Variants in NTN4 observed in about 807,000 individuals in gnomAD.
NTN4 encodes the protein netrin-4.
Under a neutral mutation model 73.6 loss-of-function variants are expected in NTN4, and 32 were observed. The ratio of observed to expected loss-of-function variants is 0.44; its 90% confidence interval spans 0.33 to 0.58. The LOEUF is 0.58. Among genes scored for constraint, NTN4 ranks in the 20% least tolerant of loss-of-function variants. The pLI is 0.04. For synonymous variants in NTN4, 258 were observed against 287.5 expected (o/e 0.90, Z 1.04); for missense variants, 654 against 798.3 (o/e 0.82, Z 2.18).
At position 95,710,506 on chromosome 12, in the gene NTN4, T is replaced by G; in HGVS notation, c.1115A>C (p.Gln372Pro). 2 of 1,614,182 alleles carry G rather than the reference T, an allele frequency of 1.2e-6. No individual in the cohort carries two copies. Among genetic ancestry groups the G allele is most frequent in the Non-Finnish European group, 1.7e-6 (2 of 1,180,032 alleles). ...ACGATAGAAGCCTGGCTTGCACCTCTGGCAATACTGTCCTTCTGTGTTGTG... is the reference window on the plus strand; with the variant it reads ...ACGATAGAAGCCTGGCTTGCACCTCGGGCAATACTGTCCTTCTGTGTTGTG... ...CQHNTEGQYC[Q>P]RCKPGFYRDL... The change falls in exon 5 of 10, where the codon CAG becomes CCG. Residue 372 changes from glutamine to proline, a missense_variant. Coordinates refer to ENST00000343702, the MANE Select transcript of NTN4 (RefSeq NM_021229.4).
At chr12:95,711,097 T>C (rs1039451968) in intron 4 of NTN4, among the ~76,000 whole-genome samples, 9 of 152,224 alleles carry the variant, frequency 5.9e-5, no homozygotes, top group Non-Finnish European at 1.2e-4. Context: ...AAGGTATCCA[T>C]TGAGAAATCT....
intron 7 of NTN4, among the ~76,000 whole-genome samples, chr12:95,675,893 A>G (rs2078269631): frequency 6.6e-6 from 1 of 152,050 alleles, no homozygotes. Flanking sequence ...CAATAAACCA[A>G]CCACGTACAC....
At chr12:95,672,155 TACAAAA>T (rs2078236576) in intron 7 of NTN4, 3 of 444,240 alleles carry the variant, frequency 6.8e-6, no homozygotes, top group African/African-American at 6.3e-5. Flanking sequence ...ACATTGTCTC[TACAAAA>T]AAGATTAAAA....
intron 1 of NTN4, among the ~76,000 whole-genome samples, chr12:95,787,769 G>GA (rs2079180666): frequency 6.6e-6 from 1 of 152,158 alleles, no homozygotes; most frequent in Non-Finnish European, 1.5e-5. Context: ...AGGGAAAATA[G>GA]AACCACCAGG....
chr12:95,761,967 TCCTCAA>T (rs1244109693), intron 2 of NTN4, among the ~76,000 whole-genome samples: 1 of 152,070 alleles, frequency 6.6e-6, no homozygotes, highest in East Asian at 1.9e-4. Context: ...CCTGTTTATC[TCCTCAA>T]TTAATCTTCC....
upstream of NTN4, chr12:95,790,876 A>G (rs1220881392): frequency 5.4e-5 from 7 of 128,780 alleles, no homozygotes; most frequent in African/African-American, 1.7e-4. The surrounding 1 kb of genome is among the most constrained non-coding windows in gnomAD (Gnocchi z 6.5). Context: ...CCCGCGCTTG[A>G]CAGCCCGGGC....
intron 2 of NTN4, among the ~76,000 whole-genome samples, chr12:95,780,508 C>G (rs1044414701): frequency 6.6e-6 from 1 of 152,192 alleles, no homozygotes; most frequent in Admixed American, 6.5e-5. Context: ...ACAGACACTT[C>G]TCAAAAGAAG....
At chr12:95,697,629 C>CT (rs78324339) in intron 5 of NTN4, among the ~76,000 whole-genome samples, 1,436 of 129,338 alleles carry the variant, frequency 0.011, 16 homozygotes, top group African/African-American at 0.03. Context: ...AAGGCTTTTA[C>CT]TTTTTTTTTT....
chr12:95,680,066 C>A (rs1200246937), intron 7 of NTN4, among the ~76,000 whole-genome samples: 1 of 152,058 alleles, frequency 6.6e-6, no homozygotes, highest in African/African-American at 2.4e-5. Context: ...AAAGTATGTC[C>A]CTCTAAAACA....
rs200214792 is a variant in NTN4, at chr12:95,659,136, G to T, written c.1837C>A (p.Pro613Thr). Residue 613 changes from proline to threonine, a missense_variant, in exon 10 of 10, where the codon CCT becomes ACT. By Grantham distance (38) the Pro-to-Thr change is conservative. Transcript: ENST00000343702. The part of the protein sequence containing the change: ...NMKSFVQHWK[P>T]SLGRKVMDIL... The stretch of plus-strand genomic sequence containing the variant: ...TCCATGACTTTTCTTCCAAGAGAAG[G>T]TTTCCAGTGCTGGACAAAGCTTTTC... 2 of 1,613,464 alleles carry T rather than the reference G, an allele frequency of 1.2e-6. No homozygotes were observed. The highest frequency in any genetic ancestry group is 1.3e-5 in the African/African-American group (1 of 74,900).
chr12:95,746,354 CTACTT>C (rs917692830), intron 2 of NTN4, among the ~76,000 whole-genome samples: 2 of 151,050 alleles, frequency 1.3e-5, no homozygotes, highest in African/African-American at 2.4e-5. Flanking sequence ...ACTTTTTTGC[CTACTT>C]TACTTCTGTA....
At chr12:95,747,868 AT>A (rs937958276) in intron 2 of NTN4, among the ~76,000 whole-genome samples, 17 of 152,292 alleles carry the variant, frequency 1.1e-4, no homozygotes, top group East Asian at 5.8e-4. Flanking sequence ...CACTTAAAAA[AT>A]ATCTTAATTT....
At chr12:95,741,453 A>T (rs1366233794) in intron 2 of NTN4, among the ~76,000 whole-genome samples, 2 of 123,800 alleles carry the variant, frequency 1.6e-5, no homozygotes, top group East Asian at 2.4e-4. Context: ...ATATATATAT[A>T]TATATATATA....
chr12:95,722,722 C>T (rs1263584236), intron 3 of NTN4, among the ~76,000 whole-genome samples: 1 of 152,106 alleles, frequency 6.6e-6, no homozygotes, highest in Non-Finnish European at 1.5e-5. Context: ...TGCCTGTAAT[C>T]CCAGCACTTT....
intron 5 of NTN4, among the ~76,000 whole-genome samples, chr12:95,704,597 T>C (rs777006760): frequency 7.2e-5 from 11 of 152,144 alleles, no homozygotes; most frequent in South Asian, 2.1e-4. Flanking sequence ...GTAATGAAAA[T>C]GCTCTCAAAC....
intron 3 of NTN4, among the ~76,000 whole-genome samples, chr12:95,736,580 T>C (rs2078779251): frequency 6.6e-6 from 1 of 152,238 alleles, no homozygotes; most frequent in African/African-American, 2.4e-5. Context: ...TATTTTCTGA[T>C]TGAATCCTAC....
At chr12:95,720,455 C>G (rs141327771) in intron 3 of NTN4, among the ~76,000 whole-genome samples, 5 of 152,142 alleles carry the variant, frequency 3.3e-5, no homozygotes, top group African/African-American at 1.2e-4. Context: ...ATTGTAAGAC[C>G]TTGCAGGGAA....
intron 3 of NTN4, among the ~76,000 whole-genome samples, chr12:95,717,166 A>C (rs950092704): frequency 2.0e-5 from 3 of 152,142 alleles, no homozygotes; most frequent in African/African-American, 7.2e-5. Flanking sequence ...AAGATGCTGC[A>C]AAGTACTGTG....
Position 95,658,619 on chromosome 12 carries a change from C to T in NTN4, c.*467G>A, listed in dbSNP as rs977793519. On this transcript the variant is annotated 3_prime_UTR_variant, in exon 10 of 10. Transcript: ENST00000343702. ...ATACACATGGAGAGGTTCCATTTAA[C>T]ACCTACAGACCAAAGTTCATGCGTA... is the stretch of plus-strand genomic sequence containing the variant. 6.5e-6 allele frequency: 1 copy of T among 152,932 alleles called. No homozygotes were observed. Among genetic ancestry groups the T allele is most frequent in the African/African-American group, 2.4e-5 (1 of 41,456 alleles). The allele number at this position is 152,932 out of a possible 1,614,324, so 9.5% of individuals were successfully genotyped here.
Sources: allele counts gnomAD v4.1 joint callset (sites outside exome capture counted in the v4.1 genomes callset), GRCh38; gene constraint gnomAD v4.1.1; non-coding constraint Gnocchi (gnomAD v3.1); transcripts MANE v1.5; gene names NCBI Gene and HGNC (gene_info 2026-07-23, HGNC 2026-07-21).